The following PRDM7 variants were observed in gnomAD, a reference collection of about 807,000 sequenced individuals.
PRDM7 encodes histone-lysine N-methyltransferase PRDM7.
In PRDM7, 52 loss-of-function variants were observed where a neutral mutation model predicts 64.3. The ratio of observed to expected loss-of-function variants is 0.81; its 90% CI spans 0.65 to 1.02. The LOEUF is 1.02. PRDM7 is among the 50% of genes least tolerant of loss of function. The pLI, the probability that PRDM7 is intolerant of heterozygous loss-of-function variation, is 0.00. For synonymous variants in PRDM7, 192 were observed against 210.1 expected (o/e 0.91, Z 0.74); for missense variants, 574 against 597.1 (o/e 0.96, Z 0.40).
Position 90,074,986 on chromosome 16 carries a change from T to G in PRDM7, c.231A>C (p.Arg77=). 6.2e-7 allele frequency: 1 copy of G among 1,614,150 alleles called. No individual in the cohort carries two copies. The highest frequency in any genetic ancestry group is 8.5e-7 in the Non-Finnish European group (1 of 1,180,032). ...CCACCTGGAGTTTGATGGCCTGCCT[T>G]CGGTGACACATGAAAGCTGGTCGAG... ...RATRPAFMCH[R]RQAIKLQVDD... Residue 77 remains arginine (R), a synonymous_variant, in exon 4 of 11, where the codon CGA becomes CGC. Transcript: ENST00000449207.
intron 8 of PRDM7, 72 bp from the exon 9 acceptor site, chr16:90,061,591 A>G: frequency 6.6e-7 from 1 of 1,512,278 alleles, no homozygotes; most frequent in Non-Finnish European, 9.2e-7. Flanking sequence ...CTCCACGGTC[A>G]TCAATGGCCT....
At chr16:90,061,242 T>A (rs1461449468) in intron 9 of PRDM7, among the ~76,000 whole-genome samples, 1 of 152,262 alleles carries the variant, frequency 6.6e-6, no homozygotes, top group Non-Finnish European at 1.5e-5. Flanking sequence ...TTGTCTAGCA[T>A]ACATATTTGT....
At chr16:90,071,032 G>A (rs1232705133) in intron 4 of PRDM7, among the ~76,000 whole-genome samples, 1 of 152,192 alleles carries the variant, frequency 6.6e-6, no homozygotes, top group Admixed American at 6.5e-5. Context: ...TAGCAATGTT[G>A]GCGAAGATGT....
intron 6 of PRDM7, 99 bp downstream of exon 6, chr16:90,063,513 C>G: frequency 7.3e-7 from 1 of 1,372,678 alleles, no homozygotes; most frequent in Non-Finnish European, 1.0e-6. Context: ...CCAGCTTAAG[C>G]CCAGGCCTAT....
At chr16:90,061,161 T>C (rs1399539860) in intron 9 of PRDM7, among the ~76,000 whole-genome samples, 2 of 152,224 alleles carry the variant, frequency 1.3e-5, no homozygotes, top group Non-Finnish European at 2.9e-5. Context: ...ATACTAAGTG[T>C]TTAACAAATG....
intron 4 of PRDM7, among the ~76,000 whole-genome samples, chr16:90,071,400 A>G (rs2037953228): frequency 6.6e-6 from 1 of 152,186 alleles, no homozygotes; most frequent in Non-Finnish European, 1.5e-5. Context: ...AAGTGCTGGG[A>G]TTACAGGCGT....
intron 6 of PRDM7, among the ~76,000 whole-genome samples, chr16:90,062,911 C>T (rs918561593): frequency 2.8e-4 from 43 of 152,238 alleles, no homozygotes; most frequent in African/African-American, 9.4e-4. Flanking sequence ...AATGTAGAAA[C>T]GCACAAAAGA....
Position 90,060,500 on chromosome 16 carries a change from C to A in PRDM7, c.1074G>T (p.Gly358=). Residue 358 remains glycine, a synonymous_variant, in exon 10 of 11, where the codon GGG becomes GGT. Transcript: ENST00000449207. ...TGCCCAGTTCCTGGCCATACTCATC[C>A]CCAGACCAGACCAGCAGTTCACAGC... ...RPGCELLVWS[G]DEYGQELGIR... is the part of the protein sequence containing the mutation. 6.2e-7 allele frequency: 1 copy of A among 1,613,668 alleles called. No homozygotes were observed. The highest frequency in any genetic ancestry group is 8.5e-7 in the Non-Finnish European group (1 of 1,179,866).
intron 5 of PRDM7, among the ~76,000 whole-genome samples, chr16:90,063,973 C>T (rs2037828644): frequency 6.6e-6 from 1 of 152,182 alleles, no homozygotes; most frequent in African/African-American, 2.4e-5. Context: ...CCTTCAACTT[C>T]CTCTCAAAAC....
Position 90,057,785 on chromosome 16 carries a change from T to C in PRDM7, c.*504A>G, listed in dbSNP as rs2037706412. ...AGAGCTGGGGTGTGCAAGTGTGTGG[T>C]GATCACGTTTGTCTTCTTGTGGCTA... On this transcript the variant is annotated 3_prime_UTR_variant, in exon 11 of 11. Coordinates refer to ENST00000449207, the MANE Select transcript of PRDM7 (RefSeq NM_001098173.2). 5 of 1,345,596 alleles carry C rather than the reference T, an allele frequency of 3.7e-6. No individual in the cohort carries two copies. The highest frequency in any genetic ancestry group is 3.0e-6 in the Non-Finnish European group (3 of 1,016,912). 83.4% of individuals were successfully genotyped at this position (1,345,596 alleles called of 1,614,324 possible).
chr16:90,056,796 A>G lies in PRDM7; in HGVS notation c.*1493T>C, dbSNP rs1597678500. On this transcript the variant is annotated 3_prime_UTR_variant, in exon 11 of 11. Transcript: ENST00000449207. ...CCGGGAAGTTTCACAATGTCTTTCTATAATCTATAGATAACATCAGTTGCT... is the reference window on the plus strand; with the variant it reads ...CCGGGAAGTTTCACAATGTCTTTCTGTAATCTATAGATAACATCAGTTGCT... 2.0e-5 allele frequency: 3 copies of G among 152,222 alleles called. No individual in the cohort carries two copies. The highest frequency in any genetic ancestry group is 7.2e-5 in the African/African-American group (3 of 41,440). 9.4% of individuals were successfully genotyped at this position (152,222 alleles called of 1,614,324 possible).
In PRDM7 at chr16:90,073,480, A is replaced by G. The variant is rs549744095; in HGVS notation, c.301+1436T>C. On this transcript the variant is annotated intron_variant, in intron 4 of 10. Coordinates refer to ENST00000449207, the MANE Select transcript of PRDM7 (RefSeq NM_001098173.2). ...AGTGGTGCTATCTCAGCTCACTGCA[A>G]GCTCCGCCTCCCGGGTTCATGCCAT... Among the ~76,000 whole-genome samples the G allele has an allele frequency of 1.7e-3, 265 of 151,712 alleles. 1 individual carries two copies. The highest frequency in any genetic ancestry group is 6.0e-3 in the African/African-American group (249 of 41,344).
chr16:90,058,281 C>T lies in PRDM7; in HGVS notation c.*8G>A, dbSNP rs188277358. ...CCCTTGAAATCTCCCTCTGCCATGT[C>T]CTTTTATTCAAGAGTTTGGACCTTT... On this transcript the variant is annotated 3_prime_UTR_variant, in exon 11 of 11. Coordinates refer to ENST00000449207, the MANE Select transcript of PRDM7 (RefSeq NM_001098173.2). 2.1e-3 allele frequency: 3,309 copies of T among 1,614,148 alleles called. 10 individuals are homozygous for T. Among genetic ancestry groups the T allele is most frequent in the Middle Eastern group, 0.015 (88 of 6,062 alleles).
rs1450540596 is a variant in PRDM7, at chr16:90,058,338, A to T, written c.1430T>A (p.Val477Glu). 7 of 1,614,052 alleles carry T rather than the reference A, an allele frequency of 4.3e-6. No individual in the cohort carries two copies. Among genetic ancestry groups the T allele is most frequent in the Non-Finnish European group, 5.1e-6 (6 of 1,180,040 alleles). ...TCTCTTGACCTTTGGTTTTGTCATT[A>T]CAGCAGCGTGGATCAGAATATTGCC... ...RSGNILIHAA[V>E]MTKPKVKRSK... Residue 477 changes from valine to glutamate, a missense_variant, in exon 11 of 11, where the codon GTA becomes GAA. Transcript: ENST00000449207.
chr16:90,075,322 G>T lies in PRDM7; in HGVS notation c.193+29C>A, dbSNP rs374125533. ...CAAAGACCTGTTTTATATCGCCCAG[G>T]CTGGTCTGTGCCCAGCACTTCCTGT... On this transcript the variant is annotated intron_variant, in intron 3 of 10. Transcript: ENST00000449207. The surrounding 1 kb of genome is among the most constrained non-coding windows in gnomAD (Gnocchi z 4.3). 6.2e-7 allele frequency: 1 copy of T among 1,614,030 alleles called. No individual in the cohort carries two copies. The highest frequency in any genetic ancestry group is 8.5e-7 in the Non-Finnish European group (1 of 1,180,006).
chr16:90,074,329 C>T (rs1195950208), intron 4 of PRDM7, among the ~76,000 whole-genome samples: 2 of 147,648 alleles, frequency 1.4e-5, no homozygotes, highest in African/African-American at 5.0e-5. Context: ...ATCATCCCAG[C>T]ATTTTGGGAG....
At position 90,061,435 on chromosome 16, in the gene PRDM7, A is replaced by G. The variant is rs1215960225; in HGVS notation, c.950+17T>C. ...GATGGAGGTTCTCTCTGAAACTAAG[A>G]GACCTAGTGGCCTTACCTCATCCAG... On this transcript the variant is annotated intron_variant, in intron 9 of 10. Transcript: ENST00000449207. The G allele has an allele frequency of 7.7e-6, 12 of 1,567,994 alleles. No homozygotes were observed. Among genetic ancestry groups the G allele is most frequent in the African/African-American group, 1.4e-5 (1 of 73,840 alleles).
chr16:90,067,108 G>A (rs2037887214), intron 4 of PRDM7, among the ~76,000 whole-genome samples, 198 bp from the exon 5 acceptor site: 1 of 151,130 alleles, frequency 6.6e-6, no homozygotes, highest in African/African-American at 2.5e-5. Context: ...GGGAACTACA[G>A]GTGTGCACCA....
rs578162681 is a variant in PRDM7, at chr16:90,064,906, A to G, written c.352-1138T>C. 2.7e-4 allele frequency among the ~76,000 whole-genome samples: 41 copies of G among 150,370 alleles called. 2 individuals carry two copies. Among genetic ancestry groups the G allele is most frequent in the African/African-American group, 8.0e-4 (32 of 40,242 alleles). On this transcript the variant is annotated intron_variant, in intron 5 of 10. Coordinates refer to ENST00000449207, the MANE Select transcript of PRDM7 (RefSeq NM_001098173.2). ...GCTGATTTTTGTAGTTTTAGTAGAG[A>G]TGGGGTTTCACCATGTTGGCCAAGC...
Sources: gnomAD v4.1 joint callset for allele counts (sites outside exome capture counted in the v4.1 genomes callset) on GRCh38, gnomAD v4.1.1 for gene constraint, Gnocchi (gnomAD v3.1) non-coding constraint, MANE v1.5 for transcripts, NCBI Gene and HGNC (gene_info 2026-07-23, HGNC 2026-07-21) for gene names.